Variants in PSMD14 observed in about 807,000 individuals in gnomAD.
PSMD14 encodes proteasome 26S subunit, non-ATPase 14.
In PSMD14, 7 loss-of-function variants were observed where a neutral mutation model predicts 41.2. That is an observed-to-expected ratio of 0.17 (90% confidence interval 0.10 to 0.32). The LOEUF is 0.32. Ranked by LOEUF, PSMD14 falls within the 10% of genes least tolerant of loss-of-function variation. The pLI, the probability that PSMD14 is intolerant of heterozygous loss-of-function variation, is 1.00. For synonymous variants in PSMD14, 114 were observed against 122.3 expected, an observed-to-expected ratio of 0.93 and a Z score of 0.45; for missense variants, 139 against 375.6, an observed-to-expected ratio of 0.37 and a Z score of 5.21.
intron 9 of PSMD14, among the ~76,000 whole-genome samples, chr2:161,391,703 C>T (rs557797984): frequency 6.6e-6 from 1 of 152,172 alleles, no homozygotes; most frequent in Admixed American, 6.5e-5. Context: ...GGGATCCTCA[C>T]TCTACAGCCT....
intron 3 of PSMD14, among the ~76,000 whole-genome samples, chr2:161,365,953 A>G (rs1683352058): frequency 6.6e-6 from 1 of 152,152 alleles, no homozygotes; most frequent in Non-Finnish European, 1.5e-5. Context: ...TACTTCCCCC[A>G]AACCTCTCAT....
intron 8 of PSMD14, among the ~76,000 whole-genome samples, chr2:161,385,909 T>G (rs1331676356): frequency 6.6e-6 from 1 of 151,758 alleles, no homozygotes; most frequent in Non-Finnish European, 1.5e-5. Flanking sequence ...CTATTATCAT[T>G]GCTTGATTAG....
At chr2:161,395,995 G>A (rs1027243195) in intron 10 of PSMD14, among the ~76,000 whole-genome samples, 4 of 152,054 alleles carry the variant, frequency 2.6e-5, no homozygotes, top group African/African-American at 4.8e-5. Context: ...CAAAATCTAC[G>A]CTTTAACCAG....
chr2:161,363,233 G>GC (rs961522430), intron 3 of PSMD14, among the ~76,000 whole-genome samples: 3 of 152,132 alleles, frequency 2.0e-5, no homozygotes, highest in Admixed American at 1.3e-4. Flanking sequence ...CATCCTCCCT[G>GC]CCCCAAAACT....
At chr2:161,340,721 G>A in intron 3 of PSMD14, 1 of 1,594,206 alleles carries the variant, frequency 6.3e-7, no homozygotes, top group Non-Finnish European at 8.5e-7. Flanking sequence ...CTGGGCGCCT[G>A]CCCAGACTCC....
chr2:161,388,285 A>C (rs1016301985), intron 8 of PSMD14, among the ~76,000 whole-genome samples: 1 of 152,094 alleles, frequency 6.6e-6, no homozygotes, highest in Non-Finnish European at 1.5e-5. Context: ...TACTGAACAT[A>C]TAAGTTATAA....
intron 3 of PSMD14, among the ~76,000 whole-genome samples, chr2:161,354,332 A>C (rs1300636312): frequency 6.6e-6 from 1 of 152,106 alleles, no homozygotes; most frequent in East Asian, 1.9e-4. Context: ...TGCAGCCTCC[A>C]CTTCCCAGGC....
chr2:161,347,489 A>G (rs1683061258), intron 3 of PSMD14, among the ~76,000 whole-genome samples: 1 of 152,162 alleles, frequency 6.6e-6, no homozygotes, highest in Non-Finnish European at 1.5e-5. Context: ...TCTAGATGGA[A>G]TTCTCTCTCT....
chr2:161,324,207 C>T (rs539848970), intron 3 of PSMD14, among the ~76,000 whole-genome samples: 22 of 152,264 alleles, frequency 1.4e-4, no homozygotes, highest in African/African-American at 2.2e-4. Context: ...TATACTATAA[C>T]GAATTCCAAG....
At chr2:161,365,531 A>G (rs1683346953) in intron 3 of PSMD14, among the ~76,000 whole-genome samples, 1 of 152,090 alleles carries the variant, frequency 6.6e-6, no homozygotes, top group Non-Finnish European at 1.5e-5. Flanking sequence ...TTTTTCTAAA[A>G]AAAAATATTT....
chr2:161,372,397 T>A (rs1574133841), intron 7 of PSMD14, among the ~76,000 whole-genome samples: 1 of 152,082 alleles, frequency 6.6e-6, no homozygotes, highest in Non-Finnish European at 1.5e-5. Context: ...AACATGGCTG[T>A]TAAAATACGG....
At position 161,390,903 on chromosome 2, in the gene PSMD14, A is replaced by G. The variant is rs1275130504; in HGVS notation, c.571-201A>G. Among the ~76,000 whole-genome samples the G allele has an allele frequency of 3.9e-5, 6 of 152,196 alleles. No individual in the cohort carries two copies. The South Asian group carries it at 1.2e-3, about 32-fold the overall frequency. On this transcript the variant is annotated intron_variant, in intron 8 of 11. Coordinates refer to ENST00000409682, the MANE Select transcript of PSMD14 (RefSeq NM_005805.6). ...GCTCCTCCATATCATGCTTTGAAGA[A>G]TGTGTAACCCGTTCCTCTAAACCTT...
At chr2:161,361,914 A>G (rs187177510) in intron 3 of PSMD14, among the ~76,000 whole-genome samples, 2 of 152,246 alleles carry the variant, frequency 1.3e-5, no homozygotes, top group Admixed American at 6.5e-5. Context: ...TAATCCATTT[A>G]TATGTTTTCA....
intron 9 of PSMD14, among the ~76,000 whole-genome samples, chr2:161,393,304 T>C (rs990328450): frequency 9.2e-5 from 14 of 152,154 alleles, no homozygotes; most frequent in Admixed American, 9.2e-4. Flanking sequence ...TTCCCAAACA[T>C]GTATTTTCTA....
At chr2:161,383,888 C>G (rs1373647941) in intron 7 of PSMD14, 5 of 151,428 alleles carry the variant, frequency 3.3e-5, no homozygotes, top group South Asian at 2.1e-4. Flanking sequence ...GGAAATTTTA[C>G]TTCTATATTT....
chr2:161,313,599 G>A (rs1211537359), intron 1 of PSMD14, among the ~76,000 whole-genome samples: 2 of 152,108 alleles, frequency 1.3e-5, no homozygotes, highest in East Asian at 1.9e-4. Context: ...ATCTGCCTGC[G>A]TTGGCCTCCC....
intron 7 of PSMD14, among the ~76,000 whole-genome samples, chr2:161,372,349 C>CA (rs1422185452): frequency 6.6e-6 from 1 of 151,920 alleles, no homozygotes; most frequent in Non-Finnish European, 1.5e-5. Flanking sequence ...GATAGTAGTG[C>CA]AGATTACATT....
intron 9 of PSMD14, among the ~76,000 whole-genome samples, chr2:161,393,261 G>A (rs1374722978): frequency 6.6e-6 from 1 of 152,164 alleles, no homozygotes; most frequent in Non-Finnish European, 1.5e-5. Flanking sequence ...ATAGGTAGCT[G>A]TATAGCATAG....
intron 2 of PSMD14, among the ~76,000 whole-genome samples, 174 bp downstream of exon 2, chr2:161,316,743 A>G (rs1037460383): frequency 6.6e-6 from 1 of 152,224 alleles, no homozygotes. Context: ...ACCAAATGTT[A>G]GTATTTTTAT....
Sources: allele counts gnomAD v4.1 joint callset (sites outside exome capture counted in the v4.1 genomes callset), GRCh38; gene constraint gnomAD v4.1.1; transcripts MANE v1.5; gene names NCBI Gene and HGNC (gene_info 2026-07-23, HGNC 2026-07-21).